The following CNTLN variants were observed in gnomAD, a reference collection of about 807,000 sequenced individuals.
CNTLN encodes centlein.
CNTLN carries 212 observed loss-of-function variants against 180.0 expected under a neutral mutation model. That is an observed-to-expected ratio of 1.18 (90% confidence interval 1.05 to 1.32). The LOEUF is 1.32. Ranked by LOEUF, CNTLN falls within the 40% of genes most tolerant of loss-of-function variation. CNTLN has a pLI of 0.00. For synonymous variants in CNTLN, 722 were observed against 563.1 expected (o/e 1.28, Z -3.99); for missense variants, 2,095 against 1,610.9 (o/e 1.30, Z -5.14).
chr9:17,410,939 C>G (rs1184502750), intron 16 of CNTLN, among the ~76,000 whole-genome samples: 1 of 152,124 alleles, frequency 6.6e-6, no homozygotes, highest in Non-Finnish European at 1.5e-5. Context: ...GCATGTTGAA[C>G]AAGTTTCCCA....
chr9:17,321,011 A>G (rs796987558), intron 8 of CNTLN, among the ~76,000 whole-genome samples: 70 of 152,360 alleles, frequency 4.6e-4, no homozygotes, highest in African/African-American at 1.6e-3. Flanking sequence ...ATTATAATTT[A>G]AAAACAGCCT....
At chr9:17,468,239 G>C (rs1350211353) in intron 23 of CNTLN, among the ~76,000 whole-genome samples, 1 of 151,622 alleles carries the variant, frequency 6.6e-6, no homozygotes, top group African/African-American at 2.4e-5. Flanking sequence ...GGGCCTACTT[G>C]AGGGTGAGGG....
chr9:17,210,961 T>G (rs1251305592), intron 2 of CNTLN, among the ~76,000 whole-genome samples: 2 of 152,232 alleles, frequency 1.3e-5, no homozygotes, highest in Non-Finnish European at 2.9e-5. Flanking sequence ...ATTACCCCTT[T>G]GTCAGATGAG....
At chr9:17,424,585 C>T (rs544922065) in intron 18 of CNTLN, among the ~76,000 whole-genome samples, 2 of 152,194 alleles carry the variant, frequency 1.3e-5, no homozygotes, top group South Asian at 4.2e-4. Context: ...TTATAGTAGG[C>T]ACTAAATATG....
Position 17,403,597 on chromosome 9 carries a change from A to T in CNTLN, c.2616-5696A>T, listed in dbSNP as rs1191283182. ...TATTTTAGGTATGGTTTTGTCTATT[A>T]TATTTTTACCAATATTACCATTCTT... On this transcript the variant is annotated intron_variant, in intron 15 of 25. Coordinates refer to ENST00000380647, the MANE Select transcript of CNTLN (RefSeq NM_017738.4). Among the ~76,000 whole-genome samples the T allele has an allele frequency of 1.3e-5, 2 of 149,784 alleles. 1 individual carries two copies. Among genetic ancestry groups the T allele is most frequent in the African/African-American group, 5.0e-5 (2 of 40,336 alleles).
intron 2 of CNTLN, among the ~76,000 whole-genome samples, chr9:17,161,833 C>A (rs1819701349): frequency 1.3e-5 from 2 of 152,180 alleles, no homozygotes; most frequent in Non-Finnish European, 2.9e-5. Flanking sequence ...AAGTGAATTA[C>A]TGTGTTTCTT....
intron 5 of CNTLN, among the ~76,000 whole-genome samples, chr9:17,236,953 A>G (rs1203984245): frequency 6.6e-6 from 1 of 152,148 alleles, no homozygotes; most frequent in Non-Finnish European, 1.5e-5. Context: ...TATTTTCTAG[A>G]TCCTTTGAAA....
chr9:17,140,814 A>G (rs1054827762), intron 1 of CNTLN, among the ~76,000 whole-genome samples: 2 of 152,202 alleles, frequency 1.3e-5, no homozygotes, highest in African/African-American at 2.4e-5. Context: ...TGCCATAAAT[A>G]TATGCAATTT....
chr9:17,326,142 G>A (rs1010278897), intron 8 of CNTLN, among the ~76,000 whole-genome samples: 13 of 152,134 alleles, frequency 8.5e-5, no homozygotes, highest in Admixed American at 2.0e-4. Flanking sequence ...AAAGTTATGT[G>A]TTAACAATGG....
intron 6 of CNTLN, among the ~76,000 whole-genome samples, chr9:17,295,784 C>T (rs910660878): frequency 6.6e-6 from 1 of 152,028 alleles, no homozygotes; most frequent in Non-Finnish European, 1.5e-5. Flanking sequence ...CTTGTACTTT[C>T]CCGAGGGTTG....
chr9:17,198,706 T>A (rs1327590485), intron 2 of CNTLN, among the ~76,000 whole-genome samples: 2 of 149,388 alleles, frequency 1.3e-5, no homozygotes, highest in Non-Finnish European at 3.0e-5. Context: ...CAGGCCCCTG[T>A]GTGTGATGTT....
chr9:17,408,229 T>A (rs751170648), intron 15 of CNTLN, among the ~76,000 whole-genome samples: 7 of 150,040 alleles, frequency 4.7e-5, no homozygotes, highest in Non-Finnish European at 7.4e-5. Flanking sequence ...TTCTTCATGG[T>A]GTCTCAAGCA....
intron 5 of CNTLN, among the ~76,000 whole-genome samples, chr9:17,265,541 A>G (rs1827357596): frequency 6.6e-6 from 1 of 152,118 alleles, no homozygotes; most frequent in South Asian, 2.1e-4. Context: ...TGGTTTGAGG[A>G]TGATGCTGGC....
chr9:17,167,430 A>G (rs530857402), intron 2 of CNTLN: 1 of 152,496 alleles, frequency 6.6e-6, no homozygotes, highest in South Asian at 2.1e-4. Flanking sequence ...ACACAATTCA[A>G]GGACCAAAAG....
intron 8 of CNTLN, among the ~76,000 whole-genome samples, chr9:17,312,364 T>TTATATATA (rs1554685981): frequency 5.0e-5 from 1 of 20,186 alleles, no homozygotes; most frequent in South Asian, 1.4e-3. Context: ...TATATATATA[T>TTATATATA]TATATATATA....
chr9:17,398,199 G>C (rs924965889), intron 15 of CNTLN, among the ~76,000 whole-genome samples: 1 of 152,152 alleles, frequency 6.6e-6, no homozygotes, highest in Non-Finnish European at 1.5e-5. Context: ...AGTATTCCAA[G>C]CAAATTAAAG....
intron 25 of CNTLN, 136 bp from the exon 26 acceptor site, chr9:17,502,415 A>C: frequency 4.2e-6 from 2 of 471,088 alleles, no homozygotes; most frequent in Non-Finnish European, 7.6e-6. Flanking sequence ...GATCAGTAGA[A>C]AAGAGATCCA....
rs184938733 is a variant in CNTLN, at chr9:17,144,831, T to A, written c.449+1455T>A. 5.8e-3 allele frequency among the ~76,000 whole-genome samples: 856 copies of A among 148,502 alleles called. 11 individuals are homozygous for A. Among genetic ancestry groups the A allele is most frequent in the African/African-American group, 0.014 (562 of 40,538 alleles). On this transcript the variant is annotated intron_variant, in intron 2 of 25. Transcript: ENST00000380647. ...TTTATTTATTTATTTTATTTTATTT[T>A]TTTTATTTTATTTTTTTTTTTGAGA...
At chr9:17,323,208 C>G (rs1226099613) in intron 8 of CNTLN, among the ~76,000 whole-genome samples, 1 of 152,062 alleles carries the variant, frequency 6.6e-6, no homozygotes, top group Non-Finnish European at 1.5e-5. Flanking sequence ...AGGAGTTACT[C>G]TGAATTCAGT....
Sources: allele counts gnomAD v4.1 joint callset (sites outside exome capture counted in the v4.1 genomes callset), GRCh38; gene constraint gnomAD v4.1.1; transcripts MANE v1.5; gene names NCBI Gene and HGNC (gene_info 2026-07-23, HGNC 2026-07-21).